Variants in TSPAN10 observed in about 807,000 individuals in gnomAD.
The protein encoded by TSPAN10 is tetraspanin 10.
TSPAN10 carries 11 observed loss-of-function variants against 15.0 expected under a neutral mutation model. The observed-to-expected ratio is 0.73, with a 90% CI of 0.46 to 1.21. The LOEUF (loss-of-function observed/expected upper bound fraction) is 1.21. Among genes scored for constraint, TSPAN10 ranks in the 50% most tolerant of loss-of-function variants. The pLI is 0.00. For synonymous variants in TSPAN10, 241 were observed against 226.2 expected (o/e 1.07, Z -0.59); for missense variants, 486 against 470.6 (o/e 1.03, Z -0.30).
chr17:81,638,816 G>T (rs1481068566), upstream of TSPAN10: 1 of 152,180 alleles, frequency 6.6e-6, no homozygotes, highest in African/African-American at 2.4e-5. Context: ...CTCAAGCGCT[G>T]ATCTGTTTTT....
upstream of TSPAN10, chr17:81,638,400 G>A (rs2036140201): frequency 1.3e-5 from 2 of 152,158 alleles, no homozygotes; most frequent in Non-Finnish European, 2.9e-5. Flanking sequence ...CTGGGTTCCA[G>A]TGATTCTCCT....
chr17:81,642,268 C>A, upstream of TSPAN10: 1 of 828,776 alleles, frequency 1.2e-6, no homozygotes. Context: ...AGGGCTCGCA[C>A]CTCCCCCATT....
At chr17:81,642,382 G>C, upstream of TSPAN10, 1 of 1,613,504 alleles carries the variant, frequency 6.2e-7, no homozygotes, top group East Asian at 2.2e-5. Flanking sequence ...CCCGGCGCCT[G>C]TGCTGGGGGC....
At chr17:81,644,129 G>C (rs181981131) in intron 1 of TSPAN10, among the ~76,000 whole-genome samples, 4 of 151,852 alleles carry the variant, frequency 2.6e-5, no homozygotes, top group East Asian at 1.9e-4. Context: ...GATGACAGGC[G>C]TGAGCCACAA....
At chr17:81,647,493 C>A (rs1255531633) in intron 2 of TSPAN10, 2 of 480,954 alleles carry the variant, frequency 4.2e-6, no homozygotes, top group Non-Finnish European at 8.2e-6. Context: ...CCCAGTAAGA[C>A]CTGTGGACCA....
At chr17:81,646,981 C>T (rs2036263537) in intron 2 of TSPAN10, among the ~76,000 whole-genome samples, 1 of 152,038 alleles carries the variant, frequency 6.6e-6, no homozygotes, top group Non-Finnish European at 1.5e-5. Context: ...CCCCAAGCAG[C>T]ACCTACTCTC....
chr17:81,640,697 C>A (rs1032628106), upstream of TSPAN10, among the ~76,000 whole-genome samples: 4 of 152,096 alleles, frequency 2.6e-5, no homozygotes, highest in South Asian at 8.3e-4. Flanking sequence ...ATCCACCTGC[C>A]TCGGCCTCCC....
At chr17:81,641,651 C>T (rs2036178876), upstream of TSPAN10, among the ~76,000 whole-genome samples, 1 of 152,034 alleles carries the variant, frequency 6.6e-6, no homozygotes, top group Admixed American at 6.6e-5. Flanking sequence ...CACAGTGGCT[C>T]CAGCCTGTAA....
chr17:81,648,395 G>A, downstream of TSPAN10: 3 of 1,103,190 alleles, frequency 2.7e-6, no homozygotes, highest in Non-Finnish European at 3.4e-6. Flanking sequence ...GCCTGATTTC[G>A]CTCGGGCTTC....
chr17:81,647,978 G>C, exon 3 of TSPAN10: 1 of 1,611,434 alleles, frequency 6.2e-7, no homozygotes, highest in Non-Finnish European at 8.5e-7. Context: ...CGCGAAGATG[G>C]AGCCTCTGTC....
At chr17:81,638,822 T>C (rs1352956007), upstream of TSPAN10, 1 of 152,124 alleles carries the variant, frequency 6.6e-6, no homozygotes, top group Non-Finnish European at 1.5e-5. Flanking sequence ...CGCTGATCTG[T>C]TTTTTAATAG....
At chr17:81,639,358 CT>C (rs2036156215), upstream of TSPAN10, among the ~76,000 whole-genome samples, 1 of 151,842 alleles carries the variant, frequency 6.6e-6, no homozygotes, top group African/African-American at 2.4e-5. Flanking sequence ...CAAGCGTGCG[CT>C]ACCACGCCCG....
chr17:81,637,451 GTTTTTTTT>G, upstream of TSPAN10: 1 of 631,592 alleles, frequency 1.6e-6, no homozygotes, highest in South Asian at 1.7e-5. Context: ...ACACCTTCAT[GTTTTTTTT>G]TTTAAGTATT....
At chr17:81,647,358 A>G (rs941849051) in intron 2 of TSPAN10, 1 of 452,936 alleles carries the variant, frequency 2.2e-6, no homozygotes, top group Non-Finnish European at 4.4e-6. Flanking sequence ...GTGGATGCCT[A>G]GGGCACCTGG....
intron 1 of TSPAN10, among the ~76,000 whole-genome samples, chr17:81,644,692 G>A (rs927476420): frequency 2.0e-5 from 3 of 152,218 alleles, no homozygotes; most frequent in African/African-American, 7.2e-5. Context: ...TGTTCACTGA[G>A]CACCGCCCTG....
At chr17:81,642,480 T>A (rs1398046125) in intron 1 of TSPAN10, 32 bp downstream of exon 2, 1 of 1,591,792 alleles carries the variant, frequency 6.3e-7, no homozygotes, top group Non-Finnish European at 8.6e-7. Context: ...TGCCCTGAGG[T>A]TGGAGATGTC....
At chr17:81,637,466 T>A (rs2036119111), upstream of TSPAN10, 1 of 680,604 alleles carries the variant, frequency 1.5e-6, no homozygotes, top group South Asian at 1.6e-5. Context: ...TTTTTTTAAG[T>A]ATTTTTTAAA....
At chr17:81,642,689 C>T (rs1014034302) in intron 1 of TSPAN10, among the ~76,000 whole-genome samples, 1 of 152,302 alleles carries the variant, frequency 6.6e-6, no homozygotes, top group South Asian at 2.1e-4. Flanking sequence ...CCCTGAGGGC[C>T]TTGGGGGCAA....
upstream of TSPAN10, chr17:81,639,201 T>TTTG (rs2036153803): frequency 1.3e-5 from 1 of 74,910 alleles, no homozygotes; most frequent in South Asian, 7.1e-4. Context: ...TTGGAATTAC[T>TTTG]TTTCTTTTTT....
Sources: allele counts gnomAD v4.1 joint callset (sites outside exome capture counted in the v4.1 genomes callset), GRCh38; gene constraint gnomAD v4.1.1; transcripts MANE v1.5; gene names NCBI Gene and HGNC (gene_info 2026-07-23, HGNC 2026-07-21).